The following MRPL34 variants were observed in gnomAD, a reference collection of about 807,000 sequenced individuals.
MRPL34 encodes large ribosomal subunit protein bL34m.
Under a neutral mutation model 6.7 loss-of-function variants are expected in MRPL34, and 8 were observed. The observed-to-expected ratio is 1.20, with a 90% confidence interval of 0.70 to 2.16. The LOEUF (loss-of-function observed/expected upper bound fraction) is 2.16. MRPL34 is among the 30% of genes most tolerant of loss of function. MRPL34 has a pLI of 0.00. For synonymous variants in MRPL34, 59 were observed against 55.1 expected (o/e 1.07, Z -0.31); for missense variants, 146 against 125.5 (o/e 1.16, Z -0.78).
At chr19:17,298,704 A>G (rs534666806), upstream of MRPL34, among the ~76,000 whole-genome samples, 1 of 151,480 alleles carries the variant, frequency 6.6e-6, no homozygotes, top group Non-Finnish European at 1.5e-5. Flanking sequence ...AACCTGGCCA[A>G]ACACGATAGT....
At chr19:17,293,897 C>G (rs1434774937) in intron 1 of MRPL34, among the ~76,000 whole-genome samples, 1 of 152,012 alleles carries the variant, frequency 6.6e-6, no homozygotes, top group Admixed American at 6.6e-5. Flanking sequence ...GATCCCCAGA[C>G]CCTTTCTAAT....
chr19:17,301,618 G>T, upstream of MRPL34: 1 of 1,540,074 alleles, frequency 6.5e-7, no homozygotes. Context: ...GGTCAGCATG[G>T]TGTGTCCTGT....
At chr19:17,303,263 C>G (rs945185801), upstream of MRPL34, 2 of 152,278 alleles carry the variant, frequency 1.3e-5, no homozygotes, top group Non-Finnish European at 2.9e-5. Flanking sequence ...CCGCGGGGCC[C>G]GGGTCGGGGC....
upstream of MRPL34, chr19:17,305,717 T>G: frequency 1.4e-6 from 1 of 697,628 alleles, no homozygotes; most frequent in South Asian, 1.6e-5. Flanking sequence ...CCCGCGGATA[T>G]AGACTGGCGC....
chr19:17,305,706 C>A, upstream of MRPL34: 1 of 667,630 alleles, frequency 1.5e-6, no homozygotes, highest in South Asian at 1.7e-5. Context: ...CATCCCTGTG[C>A]CCCGCGGATA....
upstream of MRPL34, chr19:17,300,733 C>T (rs2074113500): frequency 7.8e-7 from 1 of 1,279,522 alleles, no homozygotes; most frequent in Non-Finnish European, 1.1e-6. Flanking sequence ...CTGCCTCGGC[C>T]TCCCAAAGTG....
upstream of MRPL34, among the ~76,000 whole-genome samples, chr19:17,299,510 A>G (rs1417779440): frequency 1.4e-5 from 2 of 146,418 alleles, no homozygotes; most frequent in Non-Finnish European, 3.0e-5. Flanking sequence ...GCAGTGAGCC[A>G]GGATCACGCC....
chr19:17,303,988 C>T (rs1173010194), upstream of MRPL34, among the ~76,000 whole-genome samples: 1 of 150,488 alleles, frequency 6.6e-6, no homozygotes, highest in Non-Finnish European at 1.5e-5. Context: ...TTGGTAGGGA[C>T]GAGGTCTCGC....
At chr19:17,302,605 T>A (rs182172443), upstream of MRPL34, among the ~76,000 whole-genome samples, 3 of 152,166 alleles carry the variant, frequency 2.0e-5, no homozygotes, top group Non-Finnish European at 2.9e-5. Flanking sequence ...CCGGGGTCTG[T>A]TTCATAGAGG....
chr19:17,301,551 C>T, upstream of MRPL34: 2 of 1,607,086 alleles, frequency 1.2e-6, no homozygotes, highest in Non-Finnish European at 1.7e-6. Context: ...TCTCCAGTGG[C>T]CCCACGGCGT....
chr19:17,301,004 C>T, upstream of MRPL34: 1 of 1,613,516 alleles, frequency 6.2e-7, no homozygotes, highest in Non-Finnish European at 8.5e-7. Flanking sequence ...GGAGCCACCA[C>T]CTCATAGCCT....
At chr19:17,301,732 G>A, upstream of MRPL34, 8 of 1,310,664 alleles carry the variant, frequency 6.1e-6, no homozygotes, top group Non-Finnish European at 7.9e-6. Context: ...CTCCAGTTTG[G>A]GGAGCGCCAG....
At chr19:17,305,350 T>C (rs2074140871), upstream of MRPL34, among the ~76,000 whole-genome samples, 1 of 151,488 alleles carries the variant, frequency 6.6e-6, no homozygotes, top group African/African-American at 2.4e-5. Flanking sequence ...GTTTACAGAT[T>C]GAGAAAGCCC....
At chr19:17,292,587 G>C, upstream of MRPL34, 1 of 1,474,170 alleles carries the variant, frequency 6.8e-7, no homozygotes, top group Non-Finnish European at 9.0e-7. Context: ...GGTCTGCGCT[G>C]CAGACCTGGC....
At chr19:17,300,936 G>A (rs570097692), upstream of MRPL34, 163 of 1,613,328 alleles carry the variant, frequency 1.0e-4, 2 homozygotes, top group South Asian at 1.6e-3. Flanking sequence ...CCAGCGCATA[G>A]AAGGTGTAGG....
At chr19:17,298,036 T>A (rs2074101296), upstream of MRPL34, 1 of 151,840 alleles carries the variant, frequency 6.6e-6, no homozygotes, top group South Asian at 2.1e-4. Flanking sequence ...TGCCTCAGCC[T>A]CCTGAGTAGC....
chr19:17,306,217 C>A lies in MRPL34; in HGVS notation c.117C>A (p.Pro39=), dbSNP rs764925185. Residue 39 remains proline, a synonymous_variant, in exon 2 of 2, where the codon CCC becomes CCA. Coordinates refer to ENST00000252602, the MANE Select transcript of MRPL34 (RefSeq NM_023937.4). ...WLGFPDAWGL[P]TPQQARGKAR... Reference sequence around the variant, plus strand: ...GGTTCCCAGACGCCTGGGGCCTCCCCACCCCGCAGCAGGCCCGGGGCAAGG... The same window carrying A: ...GGTTCCCAGACGCCTGGGGCCTCCCAACCCCGCAGCAGGCCCGGGGCAAGG... The A allele has an allele frequency of 6.4e-5, 100 of 1,561,796 alleles. No homozygotes were observed. The highest frequency in any genetic ancestry group is 8.1e-5 in the Non-Finnish European group (94 of 1,153,796).
Position 17,305,901 on chromosome 19 carries a change from C to T in MRPL34, c.9C>T (p.Val3=), listed in dbSNP as rs757069809. The T allele has an allele frequency of 1.2e-6, 2 of 1,613,928 alleles. No homozygotes were observed. Among genetic ancestry groups the T allele is most frequent in the Non-Finnish European group, 1.7e-6 (2 of 1,179,996 alleles). The change falls in exon 1 of 2, where the codon GTC becomes GTT. Residue 3 remains valine (V), a synonymous_variant. Coordinates refer to ENST00000252602, the MANE Select transcript of MRPL34 (RefSeq NM_023937.4). MA[V]LAGSLLGPTS... is the part of the protein sequence containing the mutation. Reference sequence around the variant, plus strand: ...CGGGACCCACTGCGGATATGGCTGTCTTGGCTGGATCCCTGTTGGGCCCCA... The same window carrying T: ...CGGGACCCACTGCGGATATGGCTGTTTTGGCTGGATCCCTGTTGGGCCCCA...
At chr19:17,295,532 G>A (rs1004087666) in intron 1 of MRPL34, among the ~76,000 whole-genome samples, 26 of 152,150 alleles carry the variant, frequency 1.7e-4, no homozygotes, top group African/African-American at 1.4e-4. Flanking sequence ...TCAGCCTCCC[G>A]AGTAGCTGGG....
Sources: gnomAD v4.1 joint callset for allele counts (sites outside exome capture counted in the v4.1 genomes callset) on GRCh38, gnomAD v4.1.1 for gene constraint, MANE v1.5 for transcripts, NCBI Gene and HGNC (gene_info 2026-07-23, HGNC 2026-07-21) for gene names.